The following NRARP variants were observed in gnomAD, a reference collection of about 807,000 sequenced individuals.
NRARP encodes the protein notch-regulated ankyrin repeat-containing protein.
For synonymous variants in NRARP, 81 were observed against 77.4 expected, an observed-to-expected ratio of 1.05 and a Z score of -0.25; for missense variants, 83 against 161.1, an observed-to-expected ratio of 0.52 and a Z score of 2.62.
At position 137,301,620 on chromosome 9, in the gene NRARP, G is replaced by C. The variant is rs1463829757; in HGVS notation, c.309C>G (p.Leu103=). The C allele has an allele frequency of 4.4e-6, 7 of 1,601,920 alleles. No homozygotes were observed. In the African/African-American group the frequency reaches 9.4e-5, roughly 21 times the overall value. The change falls in exon 1 of 1, where the codon CTC becomes CTG. Residue 103 remains leucine (L), a synonymous_variant. Transcript: ENST00000356628. The surrounding 1 kb of genome is among the most constrained non-coding windows in gnomAD (Gnocchi z 9.1). The part of the protein sequence containing the change: ...FGGHQDIVLY[L]ITKAKYAASG... ...TGGCCGCGTACTTCGCCTTGGTGAT[G>C]AGATAGAGCACGATGTCCTGGTGGC... is the stretch of plus-strand genomic sequence containing the variant.
chr9:137,301,513 G>A lies in NRARP; in HGVS notation c.*71C>T, dbSNP rs952348211. Reference sequence around the variant, plus strand: ...GGGGCCTGCGAGCCGGGCGCGCACCGAGGTAGTTGGCGGGAAGGTACAGCA... The same window carrying A: ...GGGGCCTGCGAGCCGGGCGCGCACCAAGGTAGTTGGCGGGAAGGTACAGCA... On this transcript the variant is annotated 3_prime_UTR_variant, in exon 1 of 1. Transcript: ENST00000356628. This position sits in a 1 kb window ranked among gnomAD's most constrained non-coding sequence, Gnocchi z 9.1. The A allele has an allele frequency of 5.3e-5, 57 of 1,065,824 alleles. No individual in the cohort carries two copies. Among genetic ancestry groups the A allele is most frequent in the Non-Finnish European group, 7.0e-5 (54 of 769,432 alleles). 66.0% of individuals were successfully genotyped at this position (1,065,824 alleles called of 1,614,324 possible).
At position 137,302,131 on chromosome 9, in the gene NRARP, G is replaced by A. The variant is rs1830962338; in HGVS notation, c.-203C>T. On this transcript the variant is annotated 5_prime_UTR_variant, in exon 1 of 1. Coordinates refer to ENST00000356628, the MANE Select transcript of NRARP (RefSeq NM_001004354.3). This position sits in a 1 kb window ranked among gnomAD's most constrained non-coding sequence, Gnocchi z 4.8. ...GACCCCGCCGCATCCAGCCGCGCCCGGGTGGGCGACGGGGGCGCGCGCTCG... is the reference window on the plus strand; with the variant it reads ...GACCCCGCCGCATCCAGCCGCGCCCAGGTGGGCGACGGGGGCGCGCGCTCG... The A allele has an allele frequency of 6.9e-6, 1 of 145,088 alleles. No homozygotes were observed. Among genetic ancestry groups the A allele is most frequent in the Non-Finnish European group, 1.5e-5 (1 of 65,666 alleles). The allele number at this position is 145,088 out of a possible 1,614,324, so 9.0% of individuals were successfully genotyped here. A position where few individuals can be genotyped will look rare whatever the true frequency, so the allele number is the denominator to read the frequency against.
chr9:137,301,027 A>G lies in NRARP; in HGVS notation c.*557T>C, dbSNP rs1269129146. The G allele has an allele frequency of 1.3e-5, 2 of 152,156 alleles. No individual in the cohort carries two copies. The highest frequency in any genetic ancestry group is 2.9e-5 in the Non-Finnish European group (2 of 68,008). The allele number at this position is 152,156 out of a possible 1,614,324, so 9.4% of individuals were successfully genotyped here. A position where few individuals can be genotyped will look rare whatever the true frequency, so the allele number is the denominator to read the frequency against. On this transcript the variant is annotated 3_prime_UTR_variant, in exon 1 of 1. Transcript: ENST00000356628. This position sits in a 1 kb window ranked among gnomAD's most constrained non-coding sequence, Gnocchi z 9.1. The stretch of plus-strand genomic sequence containing the variant: ...CCACAAATGTACACACACAAGATAA[A>G]TAGTTTAGAACACCAGCAACAGCGA...
rs1447746383 is a variant in NRARP at position 137,300,568 on chromosome 9, G to T, written c.*1016C>A. 2 of 152,250 alleles carry T rather than the reference G, an allele frequency of 1.3e-5. No homozygotes were observed. Among genetic ancestry groups the T allele is most frequent in the African/African-American group, 4.8e-5 (2 of 41,374 alleles). 9.4% of individuals were successfully genotyped at this position (152,250 alleles called of 1,614,324 possible). On this transcript the variant is annotated 3_prime_UTR_variant, in exon 1 of 1. Transcript: ENST00000356628. ...ACTTTTTTTAAAAAAGTGTGCAACC[G>T]TTAACTATGATAGAACGCACTAGAA...
At position 137,301,409 on chromosome 9, in the gene NRARP, G is replaced by T. The variant is rs1277619840; in HGVS notation, c.*175C>A. ...GCCGGGCCCGGCTAGGCCGCAGGGA[G>T]GCGCTCGGCCGGCGGGGCTGCCGGA... is the stretch of plus-strand genomic sequence containing the variant. On this transcript the variant is annotated 3_prime_UTR_variant, in exon 1 of 1. Coordinates refer to ENST00000356628, the MANE Select transcript of NRARP (RefSeq NM_001004354.3). The surrounding 1 kb of genome is among the most constrained non-coding windows in gnomAD (Gnocchi z 9.1). 3 of 353,182 alleles carry T rather than the reference G, an allele frequency of 8.5e-6. No individual in the cohort carries two copies. The highest frequency in any genetic ancestry group is 4.9e-5 in the Admixed American group (1 of 20,222). The allele number at this position is 353,182 out of a possible 1,614,324, so 21.9% of individuals were successfully genotyped here. A position where few individuals can be genotyped will look rare whatever the true frequency, so the allele number is the denominator to read the frequency against.
rs1564453563 is a variant in NRARP, at chr9:137,301,540, A to C, written c.*44T>G. The C allele has an allele frequency of 2.2e-6, 3 of 1,385,708 alleles. No individual in the cohort carries two copies. The South Asian group carries it at 4.0e-5, about 18-fold the overall frequency. The allele number at this position is 1,385,708 out of a possible 1,614,324, so 85.8% of individuals were successfully genotyped here. On this transcript the variant is annotated 3_prime_UTR_variant, in exon 1 of 1. Transcript: ENST00000356628. This position sits in a 1 kb window ranked among gnomAD's most constrained non-coding sequence, Gnocchi z 9.1. ...GGTAGTTGGCGGGAAGGTACAGCAG[A>C]GACGACGCGGGCGCAGGGCCGGGGT...
chr9:137,300,151 A>T lies in NRARP; in HGVS notation c.*1433T>A, dbSNP rs1403774322. Among the ~76,000 whole-genome samples, 1 of 152,162 alleles carries T rather than the reference A, an allele frequency of 6.6e-6. No individual in the cohort carries two copies. The highest frequency in any genetic ancestry group is 6.5e-5 in the Admixed American group (1 of 15,274). Reference sequence around the variant, plus strand: ...AACAAGGGGTGTGGGGCTGCATAGAAAATTGGAGCCACAGAAACCAGGAAG... The same window carrying T: ...AACAAGGGGTGTGGGGCTGCATAGATAATTGGAGCCACAGAAACCAGGAAG... On this transcript the variant is annotated 3_prime_UTR_variant, in exon 1 of 1. Transcript: ENST00000356628.
In NRARP at chr9:137,301,161, T is replaced by C. The variant is rs1475904525; in HGVS notation, c.*423A>G. The stretch of plus-strand genomic sequence containing the variant: ...GCGTCCCGGGCCTGCGGGCGGGTCC[T>C]GAAGGCGGCGGCGGAGCGCTCCGAG... On this transcript the variant is annotated 3_prime_UTR_variant, in exon 1 of 1. Coordinates refer to ENST00000356628, the MANE Select transcript of NRARP (RefSeq NM_001004354.3). This position sits in a 1 kb window ranked among gnomAD's most constrained non-coding sequence, Gnocchi z 9.1. 6.6e-6 allele frequency: 1 copy of C among 151,982 alleles called. No individual in the cohort carries two copies. The highest frequency in any genetic ancestry group is 1.5e-5 in the Non-Finnish European group (1 of 67,952). The allele number at this position is 151,982 out of a possible 1,614,324, so 9.4% of individuals were successfully genotyped here.
In NRARP at chr9:137,301,562, G is replaced by C; in HGVS notation, c.*22C>G. ...CAGAGACGACGCGGGCGCAGGGCCGGGGTCCGGGGTCCCGGCGGGCATCAC... is the reference window on the plus strand; with the variant it reads ...CAGAGACGACGCGGGCGCAGGGCCGCGGTCCGGGGTCCCGGCGGGCATCAC... On this transcript the variant is annotated 3_prime_UTR_variant, in exon 1 of 1. Coordinates refer to ENST00000356628, the MANE Select transcript of NRARP (RefSeq NM_001004354.3). The surrounding 1 kb of genome is among the most constrained non-coding windows in gnomAD (Gnocchi z 9.1). 1 of 1,523,340 alleles carries C rather than the reference G, an allele frequency of 6.6e-7. No individual in the cohort carries two copies. Among genetic ancestry groups the C allele is most frequent in the Non-Finnish European group, 8.9e-7 (1 of 1,121,048 alleles). The allele number at this position is 1,523,340 out of a possible 1,614,324, so 94.4% of individuals were successfully genotyped here.
chr9:137,300,165 G>T lies in NRARP; in HGVS notation c.*1419C>A, dbSNP rs934015985. On this transcript the variant is annotated 3_prime_UTR_variant, in exon 1 of 1. Transcript: ENST00000356628. ...GGCTGCATAGAAAATTGGAGCCACAGAAACCAGGAAGGGCGCCTTTCAGGA... is the reference window on the plus strand; with the variant it reads ...GGCTGCATAGAAAATTGGAGCCACATAAACCAGGAAGGGCGCCTTTCAGGA... Among the ~76,000 whole-genome samples, 2 of 152,152 alleles carry T rather than the reference G, an allele frequency of 1.3e-5. No individual in the cohort carries two copies. The highest frequency in any genetic ancestry group is 6.6e-5 in the Admixed American group (1 of 15,266).
chr9:137,302,263 C>G lies in NRARP; in HGVS notation c.-335G>C, dbSNP rs927167542. The G allele has an allele frequency of 7.5e-5, 11 of 146,672 alleles. No homozygotes were observed. The highest frequency in any genetic ancestry group is 2.2e-4 in the African/African-American group (9 of 40,946). 9.1% of individuals were successfully genotyped at this position (146,672 alleles called of 1,614,324 possible). A position where few individuals can be genotyped will look rare whatever the true frequency, so the allele number is the denominator to read the frequency against. On this transcript the variant is annotated 5_prime_UTR_variant, in exon 1 of 1. Transcript: ENST00000356628. This position sits in a 1 kb window ranked among gnomAD's most constrained non-coding sequence, Gnocchi z 4.8. The stretch of plus-strand genomic sequence containing the variant: ...GGTCCCAAGGCGCCTCCCCACGCGC[C>G]GCAGCACTAGCTCGCCCGCCGCGCC...
rs1830947420 is a variant in NRARP at position 137,301,026 on chromosome 9, A to G, written c.*558T>C. 6.6e-6 allele frequency: 1 copy of G among 152,176 alleles called. No individual in the cohort carries two copies. The highest frequency in any genetic ancestry group is 6.5e-5 in the Admixed American group (1 of 15,288). 9.4% of individuals were successfully genotyped at this position (152,176 alleles called of 1,614,324 possible). ...CCCACAAATGTACACACACAAGATA[A>G]ATAGTTTAGAACACCAGCAACAGCG... On this transcript the variant is annotated 3_prime_UTR_variant, in exon 1 of 1. Transcript: ENST00000356628. The surrounding 1 kb of genome is among the most constrained non-coding windows in gnomAD (Gnocchi z 9.1).
Position 137,300,982 on chromosome 9 carries a change from ACCAGGCG to A in NRARP, c.*595_*601del, listed in dbSNP as rs1830946657. ...CACGCAGTGTTTTCCAAACAAAAAA[ACCAGGCG>A]CACAAACTCCACCCACAAATGTACA... is the stretch of plus-strand genomic sequence containing the variant. On this transcript the variant is annotated 3_prime_UTR_variant, in exon 1 of 1. Coordinates refer to ENST00000356628, the MANE Select transcript of NRARP (RefSeq NM_001004354.3). The A allele has an allele frequency of 1.3e-5, 2 of 152,276 alleles. No individual in the cohort carries two copies. Among genetic ancestry groups the A allele is most frequent in the African/African-American group, 4.8e-5 (2 of 41,478 alleles). The allele number at this position is 152,276 out of a possible 1,614,324, so 9.4% of individuals were successfully genotyped here.
rs995691059 is a variant in NRARP at position 137,300,491 on chromosome 9, A to G, written c.*1093T>C. The stretch of plus-strand genomic sequence containing the variant: ...AAAACTTGGCTTAAAATATGTTAAT[A>G]TTTTATATTCTGTCATAAATGTTAT... On this transcript the variant is annotated 3_prime_UTR_variant, in exon 1 of 1. Coordinates refer to ENST00000356628, the MANE Select transcript of NRARP (RefSeq NM_001004354.3). The G allele has an allele frequency of 5.3e-5, 8 of 152,352 alleles. No homozygotes were observed. Among genetic ancestry groups the G allele is most frequent in the African/African-American group, 1.7e-4 (7 of 41,428 alleles). The allele number at this position is 152,352 out of a possible 1,614,324, so 9.4% of individuals were successfully genotyped here.
At position 137,300,046 on chromosome 9, in the gene NRARP, G is replaced by A. The variant is rs1321419226; in HGVS notation, c.*1538C>T. On this transcript the variant is annotated 3_prime_UTR_variant, in exon 1 of 1. Transcript: ENST00000356628. ...AGTGCTCCCCATTTCTGCACGAAGG[G>A]TCAGCAGCACTTCCATGAAGGGGAA... Among the ~76,000 whole-genome samples the A allele has an allele frequency of 6.6e-6, 1 of 152,198 alleles. No individual in the cohort carries two copies. Among genetic ancestry groups the A allele is most frequent in the African/African-American group, 2.4e-5 (1 of 41,444 alleles).
chr9:137,302,023 G>A lies in NRARP; in HGVS notation c.-95C>T. The A allele has an allele frequency of 2.4e-6, 1 of 412,412 alleles. No individual in the cohort carries two copies. The highest frequency in any genetic ancestry group is 3.2e-6 in the Non-Finnish European group (1 of 309,274). 25.5% of individuals were successfully genotyped at this position (412,412 alleles called of 1,614,324 possible). A position where few individuals can be genotyped will look rare whatever the true frequency, so the allele number is the denominator to read the frequency against. On this transcript the variant is annotated 5_prime_UTR_variant, in exon 1 of 1. Transcript: ENST00000356628. The surrounding 1 kb of genome is among the most constrained non-coding windows in gnomAD (Gnocchi z 4.8). ...CGGCTGTCTCGGGGCGCGCCTCGGC[G>A]CATGGAGGGCGCGGCGTCCCCGGGC... is the stretch of plus-strand genomic sequence containing the variant.
rs1023759067 is a variant in NRARP at position 137,299,988 on chromosome 9, C to T, written c.*1596G>A. On this transcript the variant is annotated 3_prime_UTR_variant, in exon 1 of 1. Transcript: ENST00000356628. ...AGGGCTGCCCGAATACGACCAGCCA[C>T]GCACAAAGGGCCTCCACCCACCTGT... Among the ~76,000 whole-genome samples the T allele has an allele frequency of 3.3e-5, 5 of 152,304 alleles. No homozygotes were observed. Among genetic ancestry groups the T allele is most frequent in the African/African-American group, 1.2e-4 (5 of 41,556 alleles).
chr9:137,300,884 G>C lies in NRARP; in HGVS notation c.*700C>G, dbSNP rs892181770. On this transcript the variant is annotated 3_prime_UTR_variant, in exon 1 of 1. Coordinates refer to ENST00000356628, the MANE Select transcript of NRARP (RefSeq NM_001004354.3). ...TGGGCGGTATTTTCAGTGCAACCAAGAAATGGTAGACTCAAGTTTTTAGTT... is the reference window on the plus strand; with the variant it reads ...TGGGCGGTATTTTCAGTGCAACCAACAAATGGTAGACTCAAGTTTTTAGTT... 6.6e-6 allele frequency: 1 copy of C among 152,328 alleles called. No homozygotes were observed. Among genetic ancestry groups the C allele is most frequent in the African/African-American group, 2.4e-5 (1 of 41,410 alleles). The allele number at this position is 152,328 out of a possible 1,614,324, so 9.4% of individuals were successfully genotyped here. A position where few individuals can be genotyped will look rare whatever the true frequency, so the allele number is the denominator to read the frequency against.
Position 137,301,564 on chromosome 9 carries a change from G to T in NRARP, c.*20C>A. 6.6e-7 allele frequency: 1 copy of T among 1,525,140 alleles called. No homozygotes were observed. Among genetic ancestry groups the T allele is most frequent in the Non-Finnish European group, 8.9e-7 (1 of 1,120,620 alleles). The allele number at this position is 1,525,140 out of a possible 1,614,324, so 94.5% of individuals were successfully genotyped here. A position where few individuals can be genotyped will look rare whatever the true frequency, so the allele number is the denominator to read the frequency against. On this transcript the variant is annotated 3_prime_UTR_variant, in exon 1 of 1. Coordinates refer to ENST00000356628, the MANE Select transcript of NRARP (RefSeq NM_001004354.3). This position sits in a 1 kb window ranked among gnomAD's most constrained non-coding sequence, Gnocchi z 9.1. ...GAGACGACGCGGGCGCAGGGCCGGGGTCCGGGGTCCCGGCGGGCATCACCG... is the reference window on the plus strand; with the variant it reads ...GAGACGACGCGGGCGCAGGGCCGGGTTCCGGGGTCCCGGCGGGCATCACCG...
Sources: allele counts gnomAD v4.1 joint callset (sites outside exome capture counted in the v4.1 genomes callset), GRCh38; gene constraint gnomAD v4.1.1; non-coding constraint Gnocchi (gnomAD v3.1); transcripts MANE v1.5; gene names NCBI Gene and HGNC (gene_info 2026-07-23, HGNC 2026-07-21).